Variants in HEATR4 observed in about 807,000 individuals in gnomAD.
HEATR4 encodes HEAT repeat-containing protein 4.
HEATR4 carries 95 observed loss-of-function variants against 108.8 expected under a neutral mutation model. The observed-to-expected ratio is 0.87, with a 90% CI of 0.74 to 1.04. HEATR4 has a LOEUF of 1.04. Ranked by LOEUF, HEATR4 falls within the 50% of genes least tolerant of loss-of-function variation. HEATR4 has a pLI of 0.00. For synonymous variants in HEATR4, 443 were observed against 459.4 expected (o/e 0.96, Z 0.46); for missense variants, 1,152 against 1,253.8 (o/e 0.92, Z 1.23).
chr14:73,574,755 G>C, the HEATR4 span, among the ~76,000 whole-genome samples: 1 of 152,246 alleles, frequency 6.6e-6, no homozygotes, highest in African/African-American at 2.4e-5. Flanking sequence ...GGAAGAGATA[G>C]AGGGGAGGTA....
chr14:73,495,486 G>A, intron 15 of HEATR4, 99 bp from the exon 16 acceptor site: 1 of 989,186 alleles, frequency 1.0e-6, no homozygotes, highest in Non-Finnish European at 1.5e-6. Flanking sequence ...AGGAGGCTGA[G>A]GAGGGAGGAT....
At chr14:73,575,944 G>A in the HEATR4 span, among the ~76,000 whole-genome samples, 9 of 151,960 alleles carry the variant, frequency 5.9e-5, no homozygotes, top group Non-Finnish European at 1.2e-4. Flanking sequence ...TTGAGGTCAG[G>A]AGTTTGAGAC....
At chr14:73,629,882 T>C in the HEATR4 span, among the ~76,000 whole-genome samples, 1 of 151,752 alleles carries the variant, frequency 6.6e-6, no homozygotes, top group Non-Finnish European at 1.5e-5. Flanking sequence ...CTCCTGACTT[T>C]GAGATCCGCC....
At chr14:73,601,380 G>A in the HEATR4 span, among the ~76,000 whole-genome samples, 77 of 152,116 alleles carry the variant, frequency 5.1e-4, no homozygotes, top group South Asian at 1.9e-3. Context: ...CTTGGCCAAC[G>A]TGGTGAAACC....
At chr14:73,565,415 T>C in the HEATR4 span, among the ~76,000 whole-genome samples, 2 of 150,132 alleles carry the variant, frequency 1.3e-5, no homozygotes, top group East Asian at 3.9e-4. Context: ...CTGAGGAGTC[T>C]TGCTCAGTCG....
the HEATR4 span, among the ~76,000 whole-genome samples, chr14:73,588,558 G>A: frequency 9.2e-5 from 14 of 152,202 alleles, no homozygotes; most frequent in Admixed American, 3.3e-4. Context: ...TTCGATGACA[G>A]GAGAAAATAT....
At chr14:73,602,517 T>A in the HEATR4 span, among the ~76,000 whole-genome samples, 1 of 152,152 alleles carries the variant, frequency 6.6e-6, no homozygotes, top group South Asian at 2.1e-4. Flanking sequence ...TTTTGCCTAA[T>A]AAATACAGAG....
intron 7 of HEATR4, 30 bp downstream of exon 7, chr14:73,511,976 G>T (rs113664312): frequency 6.2e-7 from 1 of 1,613,350 alleles, no homozygotes; most frequent in South Asian, 1.1e-5. Context: ...AGTTGCTTAT[G>T]TTCTCAAGCA....
At chr14:73,589,753 G>T in the HEATR4 span, among the ~76,000 whole-genome samples, 1 of 152,184 alleles carries the variant, frequency 6.6e-6, no homozygotes, top group Non-Finnish European at 1.5e-5. Flanking sequence ...CGAAGCCACA[G>T]ACCCTCGCGG....
the HEATR4 span, among the ~76,000 whole-genome samples, chr14:73,586,654 C>T: frequency 6.7e-6 from 1 of 150,034 alleles, no homozygotes; most frequent in African/African-American, 2.4e-5. Context: ...TGCAGTGACC[C>T]AAGATGCACC....
rs1887060658 is a variant in HEATR4 at position 73,509,405 on chromosome 14, C to T, written c.1627G>A (p.Ala543Thr). ...ATTGCTGCTGCCATCCGCACATGGG[C>T]ATTCTTGTCACAAAGAGCAGCCTCT... ...ALEAALCDKNAHVRMAAAICQ... is the reference protein window; with the variant it reads ...ALEAALCDKNTHVRMAAAICQ... The change falls in exon 8 of 18, where the codon GCC (alanine) becomes ACC (threonine). Residue 543 changes from alanine to threonine, a missense_variant. Coordinates refer to ENST00000553558, the MANE Select transcript of HEATR4 (RefSeq NM_001220484.1). 10 of 1,614,078 alleles carry T rather than the reference C, an allele frequency of 6.2e-6. No individual in the cohort carries two copies. Among genetic ancestry groups the T allele is most frequent in the Non-Finnish European group, 8.5e-6 (10 of 1,180,024 alleles).
chr14:73,484,831 C>G (rs1038769832), intron 17 of HEATR4, among the ~76,000 whole-genome samples: 6 of 146,472 alleles, frequency 4.1e-5, no homozygotes, highest in Non-Finnish European at 9.0e-5. Flanking sequence ...CACACACACA[C>G]AGACACACAC....
At chr14:73,594,955 T>C in the HEATR4 span, 2 of 1,475,192 alleles carry the variant, frequency 1.4e-6, no homozygotes, top group Non-Finnish European at 1.8e-6. Context: ...TCCGCCCGCC[T>C]CCGCCTCGCA....
At chr14:73,595,141 A>G in the HEATR4 span, 1 of 1,614,126 alleles carries the variant, frequency 6.2e-7, no homozygotes, top group Non-Finnish European at 8.5e-7. Context: ...TCTCAGCCAC[A>G]GTTTCCATCA....
chr14:73,536,469 A>G (rs576444386), intron 1 of HEATR4, among the ~76,000 whole-genome samples: 1 of 98,462 alleles, frequency 1.0e-5, no homozygotes, highest in South Asian at 3.5e-4. Flanking sequence ...GTGATGGTAA[A>G]CCGCCGCTGT....
At chr14:73,487,716 A>T (rs1227743603) in intron 17 of HEATR4, among the ~76,000 whole-genome samples, 1 of 152,192 alleles carries the variant, frequency 6.6e-6, no homozygotes, top group Non-Finnish European at 1.5e-5. Flanking sequence ...TGTGACAAGA[A>T]CATGAATTAC....
At chr14:73,571,703 CGGGG>C in the HEATR4 span, 1 of 151,752 alleles carries the variant, frequency 6.6e-6, no homozygotes, top group Non-Finnish European at 1.5e-5. Context: ...TCATCGCTGC[CGGGG>C]CACTGGGGTT....
In HEATR4 at chr14:73,537,362, G is replaced by C. The variant is rs554663507; in HGVS notation, c.-151-7118C>G. 1,217 of 1,200,382 alleles carry C rather than the reference G, an allele frequency of 1.0e-3. 372 individuals carry two copies. Among genetic ancestry groups the C allele is most frequent in the Non-Finnish European group, 1.2e-3 (1,113 of 903,010 alleles). 74.4% of individuals were successfully genotyped at this position (1,200,382 alleles called of 1,614,324 possible). A position where few individuals can be genotyped will look rare whatever the true frequency, so the allele number is the denominator to read the frequency against. ...GCAGCCCGAGAGGAAGAGTTGGGCA[G>C]AGTTGCAGGGGTCTCCACAGCTGAG... is the stretch of plus-strand genomic sequence containing the variant. On this transcript the variant is annotated intron_variant, in intron 1 of 17. Transcript: ENST00000553558.
rs759352397 is a variant in HEATR4, at chr14:73,498,261, G to A, written c.2440C>T (p.Arg814Trp). 3.2e-5 allele frequency: 52 copies of A among 1,613,956 alleles called. No individual in the cohort carries two copies. The highest frequency in any genetic ancestry group is 6.7e-5 in the East Asian group (3 of 44,902). The change falls in exon 14 of 18, where the codon CGG (arginine) becomes TGG (tryptophan). Residue 814 changes from arginine to tryptophan, a missense_variant. Transcript: ENST00000553558. Reference protein sequence around the residue: ...AIHYEESPGVRLEACRSILAL... With the variant: ...AIHYEESPGVWLEACRSILAL... ...AGGATGCTACGGCAAGCTTCCAGCC[G>A]TACACCTGGTGACTCTTCATAGTGG...
Sources: allele counts gnomAD v4.1 joint callset (sites outside exome capture counted in the v4.1 genomes callset), GRCh38; gene constraint gnomAD v4.1.1; transcripts MANE v1.5; gene names NCBI Gene and HGNC (gene_info 2026-07-23, HGNC 2026-07-21).